The following EMSY variants were observed in gnomAD, a reference collection of about 807,000 sequenced individuals.
EMSY encodes the protein EMSY transcriptional repressor, BRCA2 interacting.
EMSY carries 26 observed loss-of-function variants against 134.6 expected under a neutral mutation model. That is an observed-to-expected ratio of 0.19 (90% CI 0.14 to 0.27). EMSY has a LOEUF of 0.27. Ranked by LOEUF, EMSY falls within the 10% of genes least tolerant of loss-of-function variation. The pLI is 1.00. For missense variants in EMSY, 1,305 were observed against 1,611.4 expected, an observed-to-expected ratio of 0.81 and a Z score of 3.26; for synonymous variants, 579 against 577.8, an observed-to-expected ratio of 1.00 and a Z score of -0.03.
chr11:76,523,280 C>T (rs1338730459), exon 12 of EMSY: 4 of 1,612,350 alleles, frequency 2.5e-6, no homozygotes, highest in Non-Finnish European at 3.4e-6. Context: ...CACAACGTTG[C>T]TAAATGCTGG....
chr11:76,520,480 T>C (rs1395247021), intron 11 of EMSY, among the ~76,000 whole-genome samples: 1 of 152,098 alleles, frequency 6.6e-6, no homozygotes, highest in Non-Finnish European at 1.5e-5. Context: ...GTTAATCACA[T>C]GTGAGGGATT....
chr11:76,445,261 G>A, intron 1 of EMSY, 133 bp downstream of exon 1: 1 of 153,394 alleles, frequency 6.5e-6, no homozygotes, highest in Non-Finnish European at 1.5e-5. Context: ...CGGGATCGTG[G>A]GGCTCCCCGG....
intron 10 of EMSY, among the ~76,000 whole-genome samples, chr11:76,515,929 A>T (rs891678046): frequency 6.6e-6 from 1 of 152,204 alleles, no homozygotes; most frequent in Non-Finnish European, 1.5e-5. Context: ...ACAAAATTTT[A>T]TGTGTAAAAT....
chr11:76,469,334 CA>C (rs1202691446), intron 7 of EMSY, among the ~76,000 whole-genome samples: 1 of 151,866 alleles, frequency 6.6e-6, no homozygotes, highest in Non-Finnish European at 1.5e-5. Flanking sequence ...CATTGTGCTC[CA>C]GGAAGCTACT....
At chr11:76,525,801 T>C (rs1950825059) in intron 12 of EMSY, among the ~76,000 whole-genome samples, 1 of 152,120 alleles carries the variant, frequency 6.6e-6, no homozygotes, top group African/African-American at 2.4e-5. Flanking sequence ...ATATGTAACC[T>C]TATATATTAT....
At chr11:76,544,768 C>T (rs758592595) in exon 19 of EMSY, 2 of 1,614,164 alleles carry the variant, frequency 1.2e-6, no homozygotes, top group East Asian at 2.2e-5. Flanking sequence ...AACCCCAAAC[C>T]CCCCAGAGCC....
intron 13 of EMSY, among the ~76,000 whole-genome samples, chr11:76,528,036 C>G (rs1211931572): frequency 6.6e-6 from 1 of 152,004 alleles, no homozygotes; most frequent in Non-Finnish European, 1.5e-5. Context: ...AGGTTCTTGT[C>G]AGAATCATGG....
chr11:76,499,275 C>CTTTTT (rs777778051), intron 9 of EMSY, among the ~76,000 whole-genome samples: 12 of 70,008 alleles, frequency 1.7e-4, no homozygotes, highest in African/African-American at 3.4e-4. Context: ...AATCTTATAA[C>CTTTTT]TTTTTTTTTT....
intron 12 of EMSY, among the ~76,000 whole-genome samples, chr11:76,523,639 T>C (rs770661477): frequency 6.6e-6 from 1 of 151,268 alleles, no homozygotes; most frequent in Admixed American, 6.6e-5. Context: ...AGTATTTGGC[T>C]TAGGGTGGGC....
intron 14 of EMSY, among the ~76,000 whole-genome samples, chr11:76,533,940 G>T (rs778036379): frequency 6.6e-6 from 1 of 152,086 alleles, no homozygotes; most frequent in Non-Finnish European, 1.5e-5. Flanking sequence ...TTAAAGATGG[G>T]TTTTCACATA....
chr11:76,452,968 A>G (rs10793169), intron 3 of EMSY, among the ~76,000 whole-genome samples: 81,997 of 151,922 alleles, frequency 0.54, 23,237 homozygotes, highest in South Asian at 0.67. Context: ...TTAGGAAGCC[A>G]TTCAGCATCT....
intron 14 of EMSY, among the ~76,000 whole-genome samples, chr11:76,534,167 C>T (rs1161126330): frequency 1.3e-5 from 2 of 152,118 alleles, no homozygotes; most frequent in African/African-American, 4.8e-5. Flanking sequence ...AACACAATCC[C>T]TGCCTTTTGT....
chr11:76,498,476 G>A (rs1350729734), intron 9 of EMSY, among the ~76,000 whole-genome samples: 1 of 152,096 alleles, frequency 6.6e-6, no homozygotes, highest in Non-Finnish European at 1.5e-5. Context: ...AGCTATCTCA[G>A]TTTTTGCTAC....
intron 8 of EMSY, 143 bp from the exon 10 acceptor site, chr11:76,496,072 A>G: frequency 2.4e-6 from 2 of 819,936 alleles, no homozygotes; most frequent in Admixed American, 3.0e-5. Context: ...CACACATTTT[A>G]TCTGACACTT....
rs142785309 is a variant in EMSY, at chr11:76,480,744, C to T, written c.1108+7904C>T. ...GCTTATCTCACTGGGACTGGTTAGA[C>T]AGTGGGTGTAGCCCATGGAGGGTGA... On this transcript the variant is annotated intron_variant, in intron 8 of 20. Coordinates refer to ENST00000334736, the Ensembl canonical transcript of EMSY. 7.9e-5 allele frequency among the ~76,000 whole-genome samples: 12 copies of T among 152,288 alleles called. 1 individual carries two copies. The highest frequency in any genetic ancestry group is 3.4e-3 in the Middle Eastern group (1 of 294).
chr11:76,513,246 T>C, intron 9 of EMSY, 140 bp from the exon 11 acceptor site: 1 of 597,720 alleles, frequency 1.7e-6, no homozygotes, highest in Non-Finnish European at 2.6e-6. Flanking sequence ...AATAAAAGTT[T>C]AGAGTTTCAT....
chr11:76,465,685 T>C (rs896618574), intron 7 of EMSY, among the ~76,000 whole-genome samples: 3 of 152,174 alleles, frequency 2.0e-5, no homozygotes, highest in African/African-American at 7.2e-5. Flanking sequence ...TTTTAAATGT[T>C]TTCTTCTTTC....
At chr11:76,547,493 G>A (rs1280672214) in intron 20 of EMSY, among the ~76,000 whole-genome samples, 1 of 152,190 alleles carries the variant, frequency 6.6e-6, no homozygotes, top group Non-Finnish European at 1.5e-5. Flanking sequence ...AAAAGGAATG[G>A]TTTTCTGGCT....
At chr11:76,502,754 C>T (rs1949922787) in intron 9 of EMSY, among the ~76,000 whole-genome samples, 2 of 152,042 alleles carry the variant, frequency 1.3e-5, no homozygotes, top group African/African-American at 4.8e-5. Context: ...AAAATGTATA[C>T]TCTGAAAACT....
Sources: allele counts gnomAD v4.1 joint callset (sites outside exome capture counted in the v4.1 genomes callset), GRCh38; gene constraint gnomAD v4.1.1; transcripts MANE v1.5; gene names NCBI Gene and HGNC (gene_info 2026-07-23, HGNC 2026-07-21).